Variants in GALNTL6 observed in about 807,000 individuals in gnomAD.
GALNTL6 encodes polypeptide N-acetylgalactosaminyltransferase-like 6.
GALNTL6 carries 46 observed loss-of-function variants against 73.7 expected under a neutral mutation model. The ratio of observed to expected loss-of-function variants is 0.62; its 90% CI spans 0.49 to 0.80. The LOEUF (loss-of-function observed/expected upper bound fraction) is 0.80, where lower values mean the gene tolerates loss of function less well. Ranked by LOEUF, GALNTL6 falls within the 30% of genes least tolerant of loss-of-function variation. GALNTL6 has a pLI of 0.00. For synonymous variants in GALNTL6, 259 were observed against 263.7 expected (o/e 0.98, Z 0.17); for missense variants, 604 against 755.0 (o/e 0.80, Z 2.34).
chr4:172,009,614 C>T (rs769884266), intron 2 of GALNTL6, among the ~76,000 whole-genome samples: 3 of 152,122 alleles, frequency 2.0e-5, no homozygotes, highest in African/African-American at 2.4e-5. Context: ...TCTTGAATTC[C>T]GAATCAATGG....
intron 2 of GALNTL6, among the ~76,000 whole-genome samples, chr4:171,924,907 G>A (rs376476873): frequency 6.6e-6 from 1 of 152,106 alleles, no homozygotes; most frequent in African/African-American, 2.4e-5. Flanking sequence ...ACACCAGGAG[G>A]TGGAAATAAT....
intron 5 of GALNTL6, among the ~76,000 whole-genome samples, chr4:172,394,711 C>A (rs537901293): frequency 2.6e-5 from 4 of 152,230 alleles, no homozygotes; most frequent in Admixed American, 2.6e-4. Context: ...GGATTACAGG[C>A]ATGAGCCACC....
intron 5 of GALNTL6, among the ~76,000 whole-genome samples, chr4:172,803,801 A>C (rs1235862747): frequency 6.6e-6 from 1 of 152,226 alleles, no homozygotes; most frequent in African/African-American, 2.4e-5. Flanking sequence ...CAAGGAATAC[A>C]AATAAGACAT....
intron 2 of GALNTL6, among the ~76,000 whole-genome samples, chr4:171,944,856 G>A (rs1237851155): frequency 5.3e-5 from 8 of 151,320 alleles, no homozygotes; most frequent in East Asian, 3.9e-4. Context: ...GTCTTTTGTT[G>A]AAGCTAATTG....
chr4:171,854,257 C>T (rs1443528498), intron 2 of GALNTL6, among the ~76,000 whole-genome samples: 1 of 152,102 alleles, frequency 6.6e-6, no homozygotes, highest in Non-Finnish European at 1.5e-5. Flanking sequence ...GTATTGCCTG[C>T]CTCATATTCA....
chr4:172,160,719 A>T (rs748448674), intron 2 of GALNTL6, among the ~76,000 whole-genome samples: 1 of 151,980 alleles, frequency 6.6e-6, no homozygotes, highest in African/African-American at 2.4e-5. Flanking sequence ...ATATGTGTAT[A>T]TACCTATTAT....
chr4:172,217,233 T>A lies in GALNTL6; in HGVS notation c.139-12423T>A, dbSNP rs192278946. 2.0e-4 allele frequency among the ~76,000 whole-genome samples: 30 copies of A among 152,202 alleles called. No individual in the cohort carries two copies. The East Asian group carries it at 4.3e-3, about 22-fold the overall frequency. On this transcript the variant is annotated intron_variant, in intron 2 of 12. Transcript: ENST00000506823. ...AGAGACTCTCTACAGATGCAAATTT[T>A]CCCCCACAAAGGACAGCTTTGCAAG...
intron 2 of GALNTL6, among the ~76,000 whole-genome samples, chr4:172,174,413 G>A (rs114477301): frequency 0.011 from 1,608 of 152,096 alleles, 27 homozygotes; most frequent in African/African-American, 0.037. Flanking sequence ...TGTTTTAGAA[G>A]TTATGAAAAT....
At chr4:172,187,990 A>G (rs1430152324) in intron 2 of GALNTL6, among the ~76,000 whole-genome samples, 1 of 152,104 alleles carries the variant, frequency 6.6e-6, no homozygotes, top group East Asian at 1.9e-4. Flanking sequence ...CCTCATATAC[A>G]AAGTCATTAC....
At chr4:171,909,833 T>G (rs909331883) in intron 2 of GALNTL6, among the ~76,000 whole-genome samples, 4 of 152,152 alleles carry the variant, frequency 2.6e-5, no homozygotes, top group African/African-American at 9.7e-5. Context: ...ATCAATATCT[T>G]GTAAGTGTTC....
At chr4:172,589,829 GTC>G (rs142136993) in intron 5 of GALNTL6, among the ~76,000 whole-genome samples, 3 of 151,124 alleles carry the variant, frequency 2.0e-5, no homozygotes, top group Admixed American at 6.6e-5. Flanking sequence ...AGTGCATGCA[GTC>G]TCTCTCTCTC....
chr4:172,996,430 T>C (rs1751786885), intron 10 of GALNTL6, among the ~76,000 whole-genome samples: 1 of 120,640 alleles, frequency 8.3e-6, no homozygotes, highest in Non-Finnish European at 2.2e-5. Context: ...GAAAAATAAC[T>C]ATTAAATACT....
intron 5 of GALNTL6, among the ~76,000 whole-genome samples, chr4:172,471,073 A>C (rs1367399398): frequency 6.6e-6 from 1 of 152,186 alleles, no homozygotes; most frequent in Non-Finnish European, 1.5e-5. Context: ...CTAGTCTCCC[A>C]GGGTCTTAAC....
intron 5 of GALNTL6, among the ~76,000 whole-genome samples, chr4:172,660,498 T>C (rs1731309531): frequency 6.6e-6 from 1 of 152,248 alleles, no homozygotes; most frequent in African/African-American, 2.4e-5. Context: ...CTGTCCTCAC[T>C]GAGGAAGTTC....
intron 5 of GALNTL6, among the ~76,000 whole-genome samples, chr4:172,615,083 C>T (rs1226533805): frequency 6.6e-6 from 1 of 151,782 alleles, no homozygotes; most frequent in Non-Finnish European, 1.5e-5. Flanking sequence ...CTTTCAGTTA[C>T]AGGAACGTGA....
chr4:171,862,634 T>C (rs1267498314), intron 2 of GALNTL6, among the ~76,000 whole-genome samples: 2 of 152,102 alleles, frequency 1.3e-5, no homozygotes, highest in Admixed American at 6.5e-5. Flanking sequence ...ATTGAAATTA[T>C]GCCTTATTAG....
At chr4:172,592,369 G>A (rs1004588224) in intron 5 of GALNTL6, among the ~76,000 whole-genome samples, 3 of 152,062 alleles carry the variant, frequency 2.0e-5, no homozygotes, top group Non-Finnish European at 4.4e-5. Flanking sequence ...TGAGGAGTTT[G>A]CCACCATGAC....
At chr4:172,145,558 TC>T (rs1226672875) in intron 2 of GALNTL6, among the ~76,000 whole-genome samples, 1 of 152,132 alleles carries the variant, frequency 6.6e-6, no homozygotes, top group Admixed American at 6.5e-5. Flanking sequence ...GGATTTAGCT[TC>T]TCTATCTTCT....
At chr4:172,878,346 T>C (rs1745291595) in intron 7 of GALNTL6, among the ~76,000 whole-genome samples, 1 of 152,010 alleles carries the variant, frequency 6.6e-6, no homozygotes, top group Non-Finnish European at 1.5e-5. Context: ...TATAATTTCA[T>C]CTATATAAAA....
Sources: allele counts gnomAD v4.1 joint callset (sites outside exome capture counted in the v4.1 genomes callset), GRCh38; gene constraint gnomAD v4.1.1; transcripts MANE v1.5; gene names NCBI Gene and HGNC (gene_info 2026-07-23, HGNC 2026-07-21).